The following CCSER1 variants were observed in gnomAD, a reference collection of about 807,000 sequenced individuals.
The protein encoded by CCSER1 is coiled-coil serine rich protein 1.
CCSER1 carries 41 observed loss-of-function variants against 82.0 expected under a neutral mutation model. The observed-to-expected ratio is 0.50, with a 90% CI of 0.39 to 0.65. The LOEUF (loss-of-function observed/expected upper bound fraction) is 0.65. Among genes scored for constraint, CCSER1 ranks in the 30% least tolerant of loss-of-function variants. The pLI, the probability that CCSER1 is intolerant of heterozygous loss-of-function variation, is 0.00. For missense variants in CCSER1, 1,119 were observed against 1,064.2 expected (o/e 1.05, Z -0.72); for synonymous variants, 414 against 383.9 (o/e 1.08, Z -0.92).
intron 10 of CCSER1, among the ~76,000 whole-genome samples, chr4:91,360,255 TC>T (rs1356572418): frequency 2.0e-5 from 3 of 151,780 alleles, no homozygotes; most frequent in African/African-American, 7.3e-5. Flanking sequence ...CCATTTTTCT[TC>T]CAGATTTGTT....
intron 10 of CCSER1, among the ~76,000 whole-genome samples, chr4:91,385,651 A>G (rs1751238430): frequency 6.6e-6 from 1 of 152,016 alleles, no homozygotes; most frequent in Non-Finnish European, 1.5e-5. Context: ...AGGAAAAAAA[A>G]AAGCTTAATT....
At chr4:91,437,677 C>T (rs1754760954) in intron 10 of CCSER1, among the ~76,000 whole-genome samples, 1 of 152,350 alleles carries the variant, frequency 6.6e-6, no homozygotes, top group Middle Eastern at 3.4e-3. Flanking sequence ...CAGGGCGAGG[C>T]ATTGCCTCAC....
At chr4:91,057,189 A>G (rs541857533) in intron 9 of CCSER1, among the ~76,000 whole-genome samples, 1 of 152,290 alleles carries the variant, frequency 6.6e-6, no homozygotes, top group African/African-American at 2.4e-5. Flanking sequence ...GAACACATGC[A>G]TAGCTGCCTG....
chr4:90,976,175 C>A (rs1326088953), intron 9 of CCSER1, among the ~76,000 whole-genome samples: 1 of 150,960 alleles, frequency 6.6e-6, no homozygotes, highest in Non-Finnish European at 1.5e-5. Flanking sequence ...TTTTGATAGG[C>A]AGAATTAAGA....
intron 9 of CCSER1, among the ~76,000 whole-genome samples, chr4:90,942,657 A>G (rs912448988): frequency 1.3e-5 from 2 of 151,310 alleles, no homozygotes; most frequent in African/African-American, 4.9e-5. Context: ...TTTAAAAGCT[A>G]TCTTTGTTAA....
intron 10 of CCSER1, among the ~76,000 whole-genome samples, chr4:91,517,860 A>G (rs1051739155): frequency 1.3e-5 from 2 of 151,782 alleles, no homozygotes; most frequent in African/African-American, 4.8e-5. Context: ...TGCTTTGTGC[A>G]AGACCTTTAT....
At chr4:91,378,362 T>G (rs980784076) in intron 10 of CCSER1, among the ~76,000 whole-genome samples, 1 of 152,226 alleles carries the variant, frequency 6.6e-6, no homozygotes, top group Non-Finnish European at 1.5e-5. Flanking sequence ...TTTCACGATA[T>G]TGATTCTTCT....
In CCSER1 at chr4:91,236,701, C is replaced by T. The variant is rs188007613; in HGVS notation, c.2217+150707C>T. The stretch of plus-strand genomic sequence containing the variant: ...ATTTTCTAGTTTCCAAGAAACAAAG[C>T]ATAGACAAATACTTAAATTTAAAAA... On this transcript the variant is annotated intron_variant, in intron 10 of 10. Coordinates refer to ENST00000509176, the MANE Select transcript of CCSER1 (RefSeq NM_001145065.2). 1.1e-3 allele frequency among the ~76,000 whole-genome samples: 160 copies of T among 152,126 alleles called. 1 individual carries two copies. The highest frequency in any genetic ancestry group is 3.3e-3 in the African/African-American group (138 of 41,518).
In CCSER1 at chr4:90,808,170, G is replaced by A. The variant is rs138182946; in HGVS notation, c.2011-7592G>A. Among the ~76,000 whole-genome samples, 29 of 152,144 alleles carry A rather than the reference G, an allele frequency of 1.9e-4. No homozygotes were observed. The East Asian group carries it at 5.2e-3, about 27-fold the overall frequency. On this transcript the variant is annotated intron_variant, in intron 7 of 10. Transcript: ENST00000509176. ...AACACCCTATTCAATAAATGATGCT[G>A]GAAAAATTGGATAGCCAGATGTAGA...
intron 5 of CCSER1, among the ~76,000 whole-genome samples, chr4:90,613,574 G>C (rs946240852): frequency 6.6e-5 from 10 of 152,128 alleles, no homozygotes. Context: ...TAGGGATTTA[G>C]AATGGTGAAT....
intron 10 of CCSER1, among the ~76,000 whole-genome samples, chr4:91,333,201 A>G (rs955639188): frequency 3.9e-5 from 6 of 152,034 alleles, no homozygotes; most frequent in African/African-American, 1.4e-4. Context: ...TAGTCCTGAA[A>G]AAAAAGAATT....
intron 1 of CCSER1, among the ~76,000 whole-genome samples, chr4:90,201,345 A>G (rs1235762797): frequency 1.3e-5 from 2 of 152,080 alleles, no homozygotes; most frequent in Admixed American, 1.3e-4. Context: ...AGTGATAGGA[A>G]AAGAAGGTAG....
Position 90,309,063 on chromosome 4 carries a change from T to G in CCSER1, c.779T>G (p.Phe260Cys). The change falls in exon 2 of 11, where the codon TTT becomes TGT. Residue 260 changes from phenylalanine to cysteine, a missense_variant. By Grantham distance (205) the Phe-to-Cys change is radical. Transcript: ENST00000509176. ...ACCACAGCTCAGACACCTTCAGAAT[T>G]TTTAGCCTTGACTGAAGATTCTGTG... is the stretch of plus-strand genomic sequence containing the variant. ...DLTTAQTPSEFLALTEDSVSE... is the reference protein window; with the variant it reads ...DLTTAQTPSECLALTEDSVSE... 6.2e-7 allele frequency: 1 copy of G among 1,613,846 alleles called. No individual in the cohort carries two copies. The highest frequency in any genetic ancestry group is 8.5e-7 in the Non-Finnish European group (1 of 1,179,846).
At chr4:90,392,977 T>C (rs1196480062) in intron 3 of CCSER1, among the ~76,000 whole-genome samples, 1 of 152,156 alleles carries the variant, frequency 6.6e-6, no homozygotes, top group Non-Finnish European at 1.5e-5. Context: ...GTATTAAAAA[T>C]ATATGCACTA....
Position 91,448,791 on chromosome 4 carries a change from GA to G in CCSER1, c.2218-149779del, listed in dbSNP as rs149839685. 5.8e-3 allele frequency among the ~76,000 whole-genome samples: 888 copies of G among 152,132 alleles called. 6 individuals are homozygous for G. Among genetic ancestry groups the G allele is most frequent in the African/African-American group, 0.018 (737 of 41,526 alleles). ...AACAAATGTTTATGTATCATTGTAG[GA>G]ACTGGTAATACAACAGGGGAAAAAA... On this transcript the variant is annotated intron_variant, in intron 10 of 10. Coordinates refer to ENST00000509176, the MANE Select transcript of CCSER1 (RefSeq NM_001145065.2).
chr4:90,929,238 A>G (rs1729432498), intron 9 of CCSER1, among the ~76,000 whole-genome samples: 1 of 152,150 alleles, frequency 6.6e-6, no homozygotes, highest in Non-Finnish European at 1.5e-5. Context: ...GTGAAAAAAA[A>G]TTAACTAAAA....
At chr4:91,236,043 A>G (rs1398203312) in intron 10 of CCSER1, among the ~76,000 whole-genome samples, 1 of 152,186 alleles carries the variant, frequency 6.6e-6, no homozygotes, top group Non-Finnish European at 1.5e-5. Flanking sequence ...TATTAAAATC[A>G]TATTTAGAGG....
chr4:90,691,003 C>T (rs1735720750), intron 6 of CCSER1, among the ~76,000 whole-genome samples: 3 of 151,934 alleles, frequency 2.0e-5, no homozygotes. Context: ...AGTCTTAATT[C>T]CCCAATTTAG....
At chr4:90,370,335 A>T (rs1747166693) in intron 3 of CCSER1, 1 of 151,976 alleles carries the variant, frequency 6.6e-6, no homozygotes, top group African/African-American at 2.4e-5. Flanking sequence ...GCTTTCTAGA[A>T]CTTCTAAGTA....
Sources: allele counts gnomAD v4.1 joint callset (sites outside exome capture counted in the v4.1 genomes callset), GRCh38; gene constraint gnomAD v4.1.1; transcripts MANE v1.5; gene names NCBI Gene and HGNC (gene_info 2026-07-23, HGNC 2026-07-21).